Variants in LRRC1 observed in about 807,000 individuals in gnomAD.
LRRC1 encodes leucine rich repeat containing 1.
Under a neutral mutation model 69.9 loss-of-function variants are expected in LRRC1, and 28 were observed. That is an observed-to-expected ratio of 0.40 (90% CI 0.30 to 0.55). The LOEUF is 0.55. Among genes scored for constraint, LRRC1 ranks in the 20% least tolerant of loss-of-function variants. The pLI, the probability that LRRC1 is intolerant of heterozygous loss-of-function variation, is 0.47. For synonymous variants in LRRC1, 236 were observed against 240.2 expected, an observed-to-expected ratio of 0.98 and a Z score of 0.16; for missense variants, 498 against 609.0, an observed-to-expected ratio of 0.82 and a Z score of 1.92.
intron 2 of LRRC1, among the ~76,000 whole-genome samples, chr6:53,876,601 GC>G (rs1197010551): frequency 6.6e-6 from 1 of 152,114 alleles, no homozygotes; most frequent in Non-Finnish European, 1.5e-5. Flanking sequence ...AATAAATACA[GC>G]CATTCCAAAT....
At chr6:53,909,224 T>C (rs1768335743) in intron 10 of LRRC1, among the ~76,000 whole-genome samples, 1 of 152,230 alleles carries the variant, frequency 6.6e-6, no homozygotes, top group South Asian at 2.1e-4. Context: ...ACAACAGTTC[T>C]ATGAGGTATA....
intron 1 of LRRC1, among the ~76,000 whole-genome samples, chr6:53,825,440 C>T (rs577386859): frequency 2.0e-5 from 3 of 152,290 alleles, no homozygotes; most frequent in South Asian, 2.1e-4. Flanking sequence ...CCCTCCCTCT[C>T]GTGTTATACT....
At chr6:53,911,742 G>A (rs977829373) in intron 10 of LRRC1, among the ~76,000 whole-genome samples, 3 of 152,192 alleles carry the variant, frequency 2.0e-5, no homozygotes, top group Non-Finnish European at 4.4e-5. Flanking sequence ...TGGGAACCTA[G>A]TCATTCTTTC....
At position 53,795,065 on chromosome 6, in the gene LRRC1, G is replaced by T. The variant is rs1373223627; in HGVS notation, c.-192G>T. 4.1e-6 allele frequency: 2 copies of T among 483,344 alleles called. No individual in the cohort carries two copies. Among genetic ancestry groups the T allele is most frequent in the East Asian group, 7.2e-5 (2 of 27,748 alleles). The allele number at this position is 483,344 out of a possible 1,614,324, so 29.9% of individuals were successfully genotyped here. On this transcript the variant is annotated 5_prime_UTR_variant, in exon 1 of 14. Transcript: ENST00000370888. ...GGCTGGCGGGCGGGGGTACAGGGAC[G>T]GGGCAGGGGCTCCCGCTCCAGGTTC...
chr6:53,883,988 G>A, intron 4 of LRRC1: 2 of 717,998 alleles, frequency 2.8e-6, no homozygotes, highest in Non-Finnish European at 2.6e-6. Context: ...CAGCCAGCAA[G>A]TTGGTGTTTT....
intron 1 of LRRC1, among the ~76,000 whole-genome samples, chr6:53,806,099 C>T (rs906287755): frequency 6.6e-6 from 1 of 152,226 alleles, no homozygotes; most frequent in African/African-American, 2.4e-5. Context: ...CTGGACAGAC[C>T]TCTGGAGCTA....
chr6:53,817,617 T>A (rs1764990296), intron 1 of LRRC1, among the ~76,000 whole-genome samples: 1 of 152,154 alleles, frequency 6.6e-6, no homozygotes, highest in African/African-American at 2.4e-5. Flanking sequence ...GAATGGAGAT[T>A]ATCGTTTCCC....
intron 2 of LRRC1, among the ~76,000 whole-genome samples, chr6:53,865,037 G>C (rs1766652870): frequency 6.6e-6 from 1 of 152,136 alleles, no homozygotes; most frequent in African/African-American, 2.4e-5. Context: ...CTGGAGCACA[G>C]GCGCCAGCTC....
chr6:53,881,710 A>G (rs1767296865), intron 3 of LRRC1, among the ~76,000 whole-genome samples: 1 of 152,228 alleles, frequency 6.6e-6, no homozygotes, highest in African/African-American at 2.4e-5. Flanking sequence ...ATTCTAATCT[A>G]GAGACCATCA....
chr6:53,819,459 A>G (rs1221114642), intron 1 of LRRC1, among the ~76,000 whole-genome samples: 1 of 152,174 alleles, frequency 6.6e-6, no homozygotes, highest in African/African-American at 2.4e-5. Context: ...ATACATAGTA[A>G]GCCCTGGGGA....
chr6:53,874,315 A>G (rs1226415956), intron 2 of LRRC1, among the ~76,000 whole-genome samples: 3 of 152,124 alleles, frequency 2.0e-5, no homozygotes, highest in Admixed American at 2.0e-4. Flanking sequence ...AGTTTTAAAA[A>G]TCTATTCCAG....
chr6:53,848,901 G>T (rs994466864), intron 2 of LRRC1, among the ~76,000 whole-genome samples: 8 of 152,048 alleles, frequency 5.3e-5, no homozygotes, highest in African/African-American at 1.9e-4. Context: ...GAGATTACAG[G>T]CGTGTGCCAC....
At chr6:53,866,607 TG>T (rs1167304489) in intron 2 of LRRC1, among the ~76,000 whole-genome samples, 1 of 152,088 alleles carries the variant, frequency 6.6e-6, no homozygotes, top group Non-Finnish European at 1.5e-5. Flanking sequence ...CCTCATTATT[TG>T]GGGGGGATTC....
intron 1 of LRRC1, among the ~76,000 whole-genome samples, chr6:53,811,119 T>G (rs949130786): frequency 6.6e-6 from 1 of 152,252 alleles, no homozygotes; most frequent in Non-Finnish European, 1.5e-5. Context: ...TGGAGTAGTT[T>G]AGATACGTAA....
chr6:53,800,144 T>C (rs962624609), intron 1 of LRRC1, among the ~76,000 whole-genome samples: 1 of 152,186 alleles, frequency 6.6e-6, no homozygotes, highest in Non-Finnish European at 1.5e-5. Context: ...AAAGACTATG[T>C]GTAAAGCACT....
At chr6:53,899,686 A>G (rs1767984199) in intron 7 of LRRC1, 61 bp from the exon 8 acceptor site, 22 of 1,506,356 alleles carry the variant, frequency 1.5e-5, no homozygotes, top group Non-Finnish European at 1.9e-5. Flanking sequence ...TCACTGGAAC[A>G]AATGCCTCTG....
chr6:53,888,536 CA>C (rs1767569742), intron 4 of LRRC1, among the ~76,000 whole-genome samples: 1 of 152,184 alleles, frequency 6.6e-6, no homozygotes, highest in African/African-American at 2.4e-5. Flanking sequence ...AGTCGATCTA[CA>C]GACTCATCTT....
rs201576116 is a variant in LRRC1 at position 53,899,851 on chromosome 6, C to A, written c.747C>A (p.Val249=). The change falls in exon 8 of 14, where the codon GTC becomes GTA. Residue 249 remains valine, a synonymous_variant. Transcript: ENST00000370888. ...GCCTGACTTCATTAACGGATTTAGT[C>A]ATTTCCCAGAACTTATTAGAAACGA... ...ISGLTSLTDL[V]ISQNLLETIP... The A allele has an allele frequency of 6.2e-7, 1 of 1,613,918 alleles. No homozygotes were observed. The highest frequency in any genetic ancestry group is 8.5e-7 in the Non-Finnish European group (1 of 1,179,978).
At chr6:53,904,608 C>T in intron 10 of LRRC1, 146 bp downstream of exon 10, 1 of 481,052 alleles carries the variant, frequency 2.1e-6, no homozygotes, top group Non-Finnish European at 3.7e-6. Context: ...ATAGAGCCAA[C>T]TGGAGGAATT....
Sources: gnomAD v4.1 joint callset for allele counts (sites outside exome capture counted in the v4.1 genomes callset) on GRCh38, gnomAD v4.1.1 for gene constraint, MANE v1.5 for transcripts, NCBI Gene and HGNC (gene_info 2026-07-23, HGNC 2026-07-21) for gene names.